Variants in UGGT1 observed in about 807,000 individuals in gnomAD.
UGGT1 encodes UDP-glucose glycoprotein glucosyltransferase 1.
A neutral mutation model predicts 203.9 loss-of-function variants in UGGT1; 107 were observed. The observed-to-expected ratio is 0.52, with a 90% CI of 0.45 to 0.62. UGGT1 has a LOEUF of 0.62. Among genes scored for constraint, UGGT1 ranks in the 20% least tolerant of loss-of-function variants. The pLI, the probability that UGGT1 is intolerant of heterozygous loss-of-function variation, is 0.00. For missense variants in UGGT1, 1,673 were observed against 1,867.2 expected, an observed-to-expected ratio of 0.90 and a Z score of 1.92; for synonymous variants, 628 against 653.5, an observed-to-expected ratio of 0.96 and a Z score of 0.59.
chr2:128,118,017 G>C (rs6430987), intron 8 of UGGT1, among the ~76,000 whole-genome samples: 133,756 of 148,920 alleles, frequency 0.9, 60,807 homozygotes, highest in Non-Finnish European at 0.97. Context: ...AGAGAGAGAG[G>C]GAAAGAGAGA....
chr2:128,102,939 A>G, intron 2 of UGGT1: 2 of 405,968 alleles, frequency 4.9e-6, no homozygotes, highest in Non-Finnish European at 9.9e-6. Context: ...GTTACTAGAA[A>G]GCCTAGAAAA....
At chr2:128,174,451 A>G (rs946108322) in intron 30 of UGGT1, among the ~76,000 whole-genome samples, 2 of 151,326 alleles carry the variant, frequency 1.3e-5, no homozygotes, top group African/African-American at 4.9e-5. Flanking sequence ...GGCACCCACC[A>G]CCATGCCCGG....
chr2:128,164,339 T>C (rs1690675606), intron 25 of UGGT1, among the ~76,000 whole-genome samples: 1 of 152,268 alleles, frequency 6.6e-6, no homozygotes, highest in Non-Finnish European at 1.5e-5. Flanking sequence ...ATATTATGTG[T>C]AATTTCAATT....
chr2:128,184,976 C>T (rs1360948098), intron 38 of UGGT1, among the ~76,000 whole-genome samples: 1 of 152,078 alleles, frequency 6.6e-6, no homozygotes, highest in Non-Finnish European at 1.5e-5. Flanking sequence ...GCCACAGTGC[C>T]CGGCTCTACT....
intron 14 of UGGT1, 68 bp downstream of exon 14, chr2:128,133,328 T>G: frequency 2.5e-6 from 4 of 1,581,136 alleles, no homozygotes; most frequent in Non-Finnish European, 3.5e-6. Context: ...TTTTTTGTCA[T>G]GTAGAATGGT....
intron 19 of UGGT1, 31 bp downstream of exon 19, chr2:128,152,935 T>G (rs1459479862): frequency 6.2e-7 from 1 of 1,603,808 alleles, no homozygotes; most frequent in South Asian, 1.1e-5. Context: ...AACCTTATGC[T>G]TTTTTTGACT....
chr2:128,167,235 C>G (rs1690842669), intron 26 of UGGT1, among the ~76,000 whole-genome samples: 1 of 152,152 alleles, frequency 6.6e-6, no homozygotes, highest in Non-Finnish European at 1.5e-5. Flanking sequence ...GACCTCTTCC[C>G]TTTTCAGAAA....
At chr2:128,100,018 A>ACCCCCCCCC (rs373235190) in intron 2 of UGGT1, among the ~76,000 whole-genome samples, 26 of 34,938 alleles carry the variant, frequency 7.4e-4, no homozygotes, top group East Asian at 1.3e-3. Flanking sequence ...GAGATTTACA[A>ACCCCCCCCC]CCCCCCCCCC....
At chr2:128,134,855 T>C (rs762240822) in intron 14 of UGGT1, 21 bp from the exon 15 acceptor site, 1 of 1,606,130 alleles carries the variant, frequency 6.2e-7, no homozygotes, top group East Asian at 2.2e-5. Flanking sequence ...TTTCATGTGT[T>C]CTTTTCCCTT....
At chr2:128,124,106 C>T (rs534409402) in intron 11 of UGGT1, among the ~76,000 whole-genome samples, 2 of 152,188 alleles carry the variant, frequency 1.3e-5, no homozygotes, top group East Asian at 1.9e-4. Flanking sequence ...CTACCACTCC[C>T]GGCTAATTTT....
At chr2:128,152,612 C>G (rs1480429722) in intron 18 of UGGT1, among the ~76,000 whole-genome samples, 172 bp from the exon 19 acceptor site, 1 of 152,164 alleles carries the variant, frequency 6.6e-6, no homozygotes, top group Non-Finnish European at 1.5e-5. Flanking sequence ...AGGTGATGTG[C>G]CCAGGTATAC....
chr2:128,094,441 C>T (rs1162790235), intron 1 of UGGT1, among the ~76,000 whole-genome samples: 2 of 152,148 alleles, frequency 1.3e-5, no homozygotes, highest in East Asian at 3.9e-4. Context: ...TAGTACTTGG[C>T]ACTTTACAAA....
chr2:128,187,642 A>G (rs772841788), intron 40 of UGGT1, 28 bp downstream of exon 40: 2 of 1,567,946 alleles, frequency 1.3e-6, no homozygotes, highest in African/African-American at 1.4e-5. Context: ...GTTTTAGGAC[A>G]GTACTTCTTT....
intron 24 of UGGT1, among the ~76,000 whole-genome samples, chr2:128,160,889 T>C (rs1690494214): frequency 6.6e-6 from 1 of 152,234 alleles, no homozygotes; most frequent in Admixed American, 6.5e-5. Flanking sequence ...TCAGGTAGAA[T>C]TAATGAAAAC....
At chr2:128,151,266 C>A in intron 18 of UGGT1, 1 of 595,340 alleles carries the variant, frequency 1.7e-6, no homozygotes, top group Non-Finnish European at 3.2e-6. Flanking sequence ...TCTTACCTTC[C>A]TCGTCCATCT....
chr2:128,157,376 T>C, intron 22 of UGGT1, 30 bp downstream of exon 22: 1 of 1,593,896 alleles, frequency 6.3e-7, no homozygotes, highest in Non-Finnish European at 8.6e-7. Flanking sequence ...TTTTATATTT[T>C]TGTTTGTGGC....
Position 128,193,246 on chromosome 2 carries a change from C to T in UGGT1, c.*3504C>T, listed in dbSNP as rs542600781. The T allele has an allele frequency of 6.7e-6, 1 of 149,522 alleles. No homozygotes were observed. Among genetic ancestry groups the T allele is most frequent in the Admixed American group, 6.7e-5 (1 of 15,004 alleles). The allele number at this position is 149,522 out of a possible 1,614,324, so 9.3% of individuals were successfully genotyped here. A position where few individuals can be genotyped will look rare whatever the true frequency, so the allele number is the denominator to read the frequency against. On this transcript the variant is annotated 3_prime_UTR_variant, in exon 41 of 41. Coordinates refer to ENST00000259253, the MANE Select transcript of UGGT1 (RefSeq NM_020120.4). Reference sequence around the variant, plus strand: ...AATGGAGCTTAATTTGCTCTGCTGTCCTTAAGCCCTCGTGGGTTTTTTTTT... The same window carrying T: ...AATGGAGCTTAATTTGCTCTGCTGTTCTTAAGCCCTCGTGGGTTTTTTTTT...
At chr2:128,093,682 T>G (rs1019287552) in intron 1 of UGGT1, among the ~76,000 whole-genome samples, 2 of 152,222 alleles carry the variant, frequency 1.3e-5, no homozygotes, top group African/African-American at 4.8e-5. Flanking sequence ...TTTACCCTTT[T>G]GTAAAGCCAG....
At chr2:128,117,620 T>G (rs1325605524) in intron 8 of UGGT1, among the ~76,000 whole-genome samples, 3 of 149,788 alleles carry the variant, frequency 2.0e-5, no homozygotes, top group Non-Finnish European at 4.4e-5. Context: ...CTTGGCTCAC[T>G]GCAAGCTCCG....
Sources: allele counts gnomAD v4.1 joint callset (sites outside exome capture counted in the v4.1 genomes callset), GRCh38; gene constraint gnomAD v4.1.1; transcripts MANE v1.5; gene names NCBI Gene and HGNC (gene_info 2026-07-23, HGNC 2026-07-21).